The following LRMDA variants were observed in gnomAD, a reference collection of about 807,000 sequenced individuals.
LRMDA encodes leucine rich melanocyte differentiation associated.
In LRMDA, 18 loss-of-function variants were observed where a neutral mutation model predicts 29.8. That is an observed-to-expected ratio of 0.60 (90% confidence interval 0.42 to 0.90). LRMDA has a LOEUF of 0.90. LRMDA is among the 40% of genes least tolerant of loss of function. The probability of loss-of-function intolerance (pLI) is 0.00; values close to 1 mark genes in which losing one functional copy is unlikely to be tolerated. For synonymous variants in LRMDA, 125 were observed against 109.4 expected (o/e 1.14, Z -0.89); for missense variants, 273 against 273.9 (o/e 1.00, Z 0.02).
At chr10:75,527,008 A>G (rs1026646852) in intron 2 of LRMDA, among the ~76,000 whole-genome samples, 2 of 152,196 alleles carry the variant, frequency 1.3e-5, no homozygotes, top group East Asian at 1.9e-4. Context: ...AGGAAACCTC[A>G]TATGCATTAA....
intron 5 of LRMDA, among the ~76,000 whole-genome samples, chr10:76,174,760 T>TGGTTCAAATACAAGTTTCACC (rs1271166288): frequency 2.0e-5 from 3 of 152,326 alleles, no homozygotes; most frequent in Admixed American, 6.5e-5. Context: ...AGTCAGACCT[T>TGGTTCAAATACAAGTTTCACC]GGTTCAAATA....
intron 2 of LRMDA, among the ~76,000 whole-genome samples, chr10:76,010,288 AG>A (rs937823199): frequency 1.4e-4 from 21 of 150,244 alleles, no homozygotes; most frequent in African/African-American, 4.9e-4. Context: ...GATGGTGTTT[AG>A]GGTACTCTTA....
At chr10:75,910,321 TC>T (rs1845822887) in intron 2 of LRMDA, among the ~76,000 whole-genome samples, 2 of 152,378 alleles carry the variant, frequency 1.3e-5, no homozygotes, top group Admixed American at 6.5e-5. Context: ...ATTCTATTTT[TC>T]TCCTTTGCTC....
intron 5 of LRMDA, among the ~76,000 whole-genome samples, chr10:76,070,239 A>T (rs1401708152): frequency 6.6e-6 from 1 of 152,184 alleles, no homozygotes; most frequent in African/African-American, 2.4e-5. Flanking sequence ...GAATGTGAGG[A>T]AGGTAATTTT....
intron 2 of LRMDA, among the ~76,000 whole-genome samples, chr10:75,682,566 T>A (rs1842036837): frequency 6.6e-6 from 1 of 152,212 alleles, no homozygotes; most frequent in Admixed American, 6.5e-5. Flanking sequence ...GTACTTATAC[T>A]ATTTTATTTA....
At chr10:75,527,291 A>G (rs1845424597) in intron 2 of LRMDA, among the ~76,000 whole-genome samples, 2 of 152,184 alleles carry the variant, frequency 1.3e-5, no homozygotes, top group South Asian at 2.1e-4. Context: ...CAGATAATGG[A>G]TATCTGGGTT....
chr10:75,804,038 G>A (rs1256101342), intron 2 of LRMDA, among the ~76,000 whole-genome samples: 1 of 152,216 alleles, frequency 6.6e-6, no homozygotes, highest in Non-Finnish European at 1.5e-5. Context: ...ATATTTTGCT[G>A]TAATGTTCTG....
At chr10:75,770,848 G>A (rs1050303686) in intron 2 of LRMDA, among the ~76,000 whole-genome samples, 2 of 152,212 alleles carry the variant, frequency 1.3e-5, no homozygotes, top group Non-Finnish European at 2.9e-5. Context: ...GAAGCCAGGA[G>A]GAGAAAGTGA....
At chr10:76,216,286 T>C (rs1018617451) in intron 5 of LRMDA, among the ~76,000 whole-genome samples, 3 of 152,170 alleles carry the variant, frequency 2.0e-5, no homozygotes, top group Non-Finnish European at 4.4e-5. Context: ...AGCTCAGTAG[T>C]TTCAGGTTAC....
chr10:75,777,870 A>G (rs78460359), intron 2 of LRMDA, among the ~76,000 whole-genome samples: 1 of 152,222 alleles, frequency 6.6e-6, no homozygotes, highest in Non-Finnish European at 1.5e-5. Flanking sequence ...ATATTTATAT[A>G]TAACACAGAT....
At chr10:75,437,755 T>C (rs1844277676) in intron 1 of LRMDA, among the ~76,000 whole-genome samples, 1 of 152,212 alleles carries the variant, frequency 6.6e-6, no homozygotes, top group Non-Finnish European at 1.5e-5. Flanking sequence ...CAGAGTGGGA[T>C]TGACTGCCAA....
intron 2 of LRMDA, among the ~76,000 whole-genome samples, chr10:75,598,505 G>A (rs1463396787): frequency 6.6e-6 from 1 of 151,708 alleles, no homozygotes; most frequent in African/African-American, 2.4e-5. Flanking sequence ...TGAGAGAGCT[G>A]TCCATGACAT....
intron 2 of LRMDA, among the ~76,000 whole-genome samples, chr10:75,995,261 C>T (rs1375665206): frequency 1.3e-5 from 2 of 152,144 alleles, no homozygotes; most frequent in Admixed American, 6.5e-5. Context: ...TTTCAGAAGG[C>T]AGGTGAAGTA....
At chr10:75,616,282 C>CAGCAGCAGCAGCAGCAGCAGT (rs1385861555) in intron 2 of LRMDA, among the ~76,000 whole-genome samples, 2 of 150,962 alleles carry the variant, frequency 1.3e-5, no homozygotes, top group African/African-American at 4.9e-5. Context: ...GCAGCAGCAG[C>CAGCAGCAGCAGCAGCAGCAGT]AGTAGTAGTA....
chr10:76,131,198 T>G (rs1295321888), intron 5 of LRMDA, among the ~76,000 whole-genome samples: 1 of 152,180 alleles, frequency 6.6e-6, no homozygotes, highest in Non-Finnish European at 1.5e-5. Context: ...TTGTCACAAA[T>G]GCTTTTTGCC....
intron 2 of LRMDA, among the ~76,000 whole-genome samples, chr10:75,691,438 C>G (rs1477288761): frequency 6.6e-6 from 1 of 151,938 alleles, no homozygotes; most frequent in Non-Finnish European, 1.5e-5. Flanking sequence ...CCTATTACTT[C>G]TTGGCCAGAT....
In LRMDA at chr10:76,351,831, C is replaced by T. The variant is rs529545122; in HGVS notation, c.601+27346C>T. Among the ~76,000 whole-genome samples the T allele has an allele frequency of 8.5e-5, 13 of 152,174 alleles. No individual in the cohort carries two copies. The South Asian group carries it at 1.7e-3, about 19-fold the overall frequency. The stretch of plus-strand genomic sequence containing the variant: ...GCCACAGAAACAGAACTCACTAGGC[C>T]GGACTCCTGTATAGGAGCAGGCGCT... On this transcript the variant is annotated intron_variant, in intron 6 of 6. Coordinates refer to ENST00000611255, the MANE Select transcript of LRMDA (RefSeq NM_001305581.2).
At chr10:76,310,830 T>C (rs1840620765) in intron 5 of LRMDA, among the ~76,000 whole-genome samples, 1 of 152,226 alleles carries the variant, frequency 6.6e-6, no homozygotes, top group African/African-American at 2.4e-5. Flanking sequence ...GCATGCACTC[T>C]TATTGAAAGC....
At chr10:75,465,014 G>T (rs574631682) in intron 2 of LRMDA, among the ~76,000 whole-genome samples, 1 of 152,088 alleles carries the variant, frequency 6.6e-6, no homozygotes, top group African/African-American at 2.4e-5. Flanking sequence ...CTTCCCTGGG[G>T]CCTCTTCCTT....
Sources: allele counts gnomAD v4.1 joint callset (sites outside exome capture counted in the v4.1 genomes callset), GRCh38; gene constraint gnomAD v4.1.1; transcripts MANE v1.5; gene names NCBI Gene and HGNC (gene_info 2026-07-23, HGNC 2026-07-21).